Variants in CPPED1 observed in about 807,000 individuals in gnomAD.
CPPED1 encodes calcineurin like phosphoesterase domain containing 1.
CPPED1 carries 28 observed loss-of-function variants against 28.0 expected under a neutral mutation model. The observed-to-expected ratio is 1.00, with a 90% CI of 0.74 to 1.37. The LOEUF (loss-of-function observed/expected upper bound fraction) is 1.37, where lower values mean the gene tolerates loss of function less well. CPPED1 is among the 40% of genes most tolerant of loss of function. The pLI is 0.00. For synonymous variants in CPPED1, 198 were observed against 180.2 expected, an observed-to-expected ratio of 1.10 and a Z score of -0.79; for missense variants, 504 against 416.5, an observed-to-expected ratio of 1.21 and a Z score of -1.83.
chr16:12,741,333 C>G (rs62027329), intron 2 of CPPED1, among the ~76,000 whole-genome samples: 1 of 147,012 alleles, frequency 6.8e-6, no homozygotes, highest in African/African-American at 2.5e-5. Context: ...ATAAATGAAC[C>G]GAGACAGACT....
intron 3 of CPPED1, among the ~76,000 whole-genome samples, chr16:12,694,775 A>AC (rs199988383): frequency 3.1e-5 from 4 of 128,822 alleles, no homozygotes; most frequent in South Asian, 2.6e-4. Context: ...TTTTTTAAAA[A>AC]CCCCCCCCTT....
intron 1 of CPPED1, among the ~76,000 whole-genome samples, chr16:12,787,568 G>T (rs1466729689): frequency 6.6e-6 from 1 of 151,726 alleles, no homozygotes; most frequent in Non-Finnish European, 1.5e-5. Flanking sequence ...CACCACACCT[G>T]GCTCATTTTT....
chr16:12,755,060 T>G (rs975856894), intron 2 of CPPED1, among the ~76,000 whole-genome samples: 6 of 152,062 alleles, frequency 3.9e-5, no homozygotes, highest in African/African-American at 1.4e-4. Flanking sequence ...CTGGAAAACA[T>G]CTGCTCCCAG....
At chr16:12,795,556 T>C (rs1596488730) in intron 1 of CPPED1, among the ~76,000 whole-genome samples, 1 of 151,428 alleles carries the variant, frequency 6.6e-6, no homozygotes, top group Admixed American at 6.6e-5. Context: ...GCCAGGCTGG[T>C]CTCAAACTCC....
intron 1 of CPPED1, among the ~76,000 whole-genome samples, chr16:12,784,555 G>GAA (rs11321564): frequency 0.033 from 4,875 of 146,924 alleles, 138 homozygotes; most frequent in East Asian, 0.12. Flanking sequence ...ATTTTGTCAT[G>GAA]AAAAAAAAAA....
chr16:12,782,965 C>G (rs1470225214), intron 1 of CPPED1, among the ~76,000 whole-genome samples: 1 of 152,072 alleles, frequency 6.6e-6, no homozygotes, highest in Non-Finnish European at 1.5e-5. Flanking sequence ...TTCCAAAAAG[C>G]TCCTTGGAAT....
At chr16:12,706,951 A>T (rs971413708) in intron 2 of CPPED1, among the ~76,000 whole-genome samples, 2 of 152,150 alleles carry the variant, frequency 1.3e-5, no homozygotes, top group African/African-American at 4.8e-5. Flanking sequence ...ACCAGAAACC[A>T]GGAGGCCTCT....
At chr16:12,751,412 A>G (rs2080327889) in intron 2 of CPPED1, among the ~76,000 whole-genome samples, 1 of 152,168 alleles carries the variant, frequency 6.6e-6, no homozygotes, top group South Asian at 2.1e-4. Flanking sequence ...AATATATTAC[A>G]TTTTTCAGTA....
At chr16:12,798,702 T>G (rs776955608) in intron 1 of CPPED1, among the ~76,000 whole-genome samples, 1 of 152,180 alleles carries the variant, frequency 6.6e-6, no homozygotes, top group Non-Finnish European at 1.5e-5. Context: ...TAAAAATAAT[T>G]AAGTCACTTT....
rs894705898 is a variant in CPPED1 at position 12,774,966 on chromosome 16, G to A, written c.289+6219C>T. ...CTCCCAAGTAGCTGGGTCTACAGGT[G>A]TGCACCACCATGCCTGGATAATTTT... On this transcript the variant is annotated intron_variant, in intron 2 of 3. Transcript: ENST00000381774. 3.9e-5 allele frequency among the ~76,000 whole-genome samples: 6 copies of A among 152,102 alleles called. 1 individual carries two copies. Among genetic ancestry groups the A allele is most frequent in the African/African-American group, 1.4e-4 (6 of 41,420 alleles).
At chr16:12,731,373 T>G (rs2080196492) in intron 2 of CPPED1, among the ~76,000 whole-genome samples, 1 of 149,696 alleles carries the variant, frequency 6.7e-6, no homozygotes, top group African/African-American at 2.5e-5. Context: ...AAAATTTTTT[T>G]TAATTAAAAA....
At chr16:12,671,396 G>C (rs2079852056) in intron 3 of CPPED1, among the ~76,000 whole-genome samples, 1 of 152,020 alleles carries the variant, frequency 6.6e-6, no homozygotes, top group South Asian at 2.1e-4. Context: ...GGTAAAGAGG[G>C]GTAAGGGAAA....
intron 2 of CPPED1, among the ~76,000 whole-genome samples, chr16:12,727,256 G>A (rs1403034873): frequency 6.6e-6 from 1 of 152,168 alleles, no homozygotes; most frequent in Non-Finnish European, 1.5e-5. Context: ...ATTCTGGCTG[G>A]TGGCGACAGG....
At chr16:12,794,221 G>A (rs928238631) in intron 1 of CPPED1, among the ~76,000 whole-genome samples, 4 of 71,610 alleles carry the variant, frequency 5.6e-5, no homozygotes, top group East Asian at 5.1e-4. Flanking sequence ...GTTTCAGCAC[G>A]GGGTGCAGGG....
chr16:12,711,142 A>G (rs1428641858), intron 2 of CPPED1, among the ~76,000 whole-genome samples: 1 of 152,244 alleles, frequency 6.6e-6, no homozygotes, highest in Non-Finnish European at 1.5e-5. Context: ...ACAACGAAAT[A>G]TTATTCAACC....
At chr16:12,723,362 T>G (rs906542742) in intron 2 of CPPED1, among the ~76,000 whole-genome samples, 7 of 152,212 alleles carry the variant, frequency 4.6e-5, no homozygotes, top group Non-Finnish European at 1.0e-4. Context: ...CTGACCCCAG[T>G]ACCTCATCAT....
In CPPED1 at chr16:12,785,942, A is replaced by G. The variant is rs199518074; in HGVS notation, c.71-4539T>C. 1.3e-3 allele frequency among the ~76,000 whole-genome samples: 193 copies of G among 152,034 alleles called. 1 individual carries two copies. Among genetic ancestry groups the G allele is most frequent in the African/African-American group, 4.3e-3 (180 of 41,454 alleles). ...ACAGTATTTGTCATTACTGGAAAAAAAAAAAAAACCAAAAGACACTCAGGG... is the reference window on the plus strand; with the variant it reads ...ACAGTATTTGTCATTACTGGAAAAAGAAAAAAAACCAAAAGACACTCAGGG... On this transcript the variant is annotated intron_variant, in intron 1 of 3. Transcript: ENST00000381774.
chr16:12,704,836 T>C lies in CPPED1; in HGVS notation c.503A>G (p.Tyr168Cys), dbSNP rs61748837. The C allele has an allele frequency of 1.9e-6, 3 of 1,614,148 alleles. No individual in the cohort carries two copies. Among genetic ancestry groups the C allele is most frequent in the Non-Finnish European group, 2.5e-6 (3 of 1,180,014 alleles). The change falls in exon 3 of 4, where the codon TAC (tyrosine) becomes TGC (cysteine). Residue 168 changes from tyrosine (Y) to cysteine (C), a missense_variant. Tyr to Cys is a radical substitution (Grantham distance 194, BLOSUM62 -2). Transcript: ENST00000381774. ...VLFLVLNSQFYENPSKCPSLK... is the reference protein window; with the variant it reads ...VLFLVLNSQFCENPSKCPSLK... ...GCTGGGGCATTTGGAGGGGTTCTCG[T>C]AGAACTGGGAGTTGAGGACCAGGAA...
rs372073677 is a variant in CPPED1, at chr16:12,734,183, C to T, written c.290-29134G>A. Among the ~76,000 whole-genome samples, 10 of 149,798 alleles carry T rather than the reference C, an allele frequency of 6.7e-5. No individual in the cohort carries two copies. In the South Asian group the frequency reaches 2.1e-3, roughly 32 times the overall value. ...TTCCCGGGTTCAAGCGATTCTCCTG[C>T]CTCCGCCTTCCAAGTTGCTGGGATT... On this transcript the variant is annotated intron_variant, in intron 2 of 3. Coordinates refer to ENST00000381774, the MANE Select transcript of CPPED1 (RefSeq NM_018340.3).
Sources: gnomAD v4.1 joint callset for allele counts (sites outside exome capture counted in the v4.1 genomes callset) on GRCh38, gnomAD v4.1.1 for gene constraint, MANE v1.5 for transcripts, NCBI Gene and HGNC (gene_info 2026-07-23, HGNC 2026-07-21) for gene names.